IL13RA2: variants seen among roughly 807,000 people sequenced by gnomAD.
IL13RA2 encodes interleukin-13 receptor subunit alpha-2.
In IL13RA2, 25 loss-of-function variants were observed where a neutral mutation model predicts 34.1. The observed-to-expected ratio is 0.73, with a 90% CI of 0.53 to 1.03. The LOEUF is 1.03. Among genes scored for constraint, IL13RA2 ranks in the 50% least tolerant of loss-of-function variants. The pLI, the probability that IL13RA2 is intolerant of heterozygous loss-of-function variation, is 0.00. For missense variants in IL13RA2, 297 were observed against 280.9 expected (o/e 1.06, Z -0.41); for synonymous variants, 106 against 100.4 (o/e 1.06, Z -0.33).
chrX:115,017,097 AAGAC>A, intron 2 of IL13RA2, 75 bp downstream of exon 2: 1 of 578,384 alleles, frequency 1.7e-6, no homozygotes, highest in Non-Finnish European at 3.0e-6. Context: ...GCAGGTCAAA[AAGAC>A]AGTTAATTTT....
chrX:115,010,919 T>C (rs1762388668), intron 5 of IL13RA2, 91 bp from the exon 6 acceptor site: 1 of 417,928 alleles, frequency 2.4e-6, no homozygotes, highest in Non-Finnish European at 4.1e-6. Flanking sequence ...GGATACCATG[T>C]CAGTTTAAAA....
At chrX:115,006,725 G>A (rs991855187) in intron 8 of IL13RA2, among the ~76,000 whole-genome samples, 3 of 111,513 alleles carry the variant, frequency 2.7e-5, no homozygotes, top group Non-Finnish European at 5.6e-5. Context: ...GAAATCTTAG[G>A]CATCACTATC....
chrX:115,006,310 C>A (rs1556507575), intron 8 of IL13RA2, among the ~76,000 whole-genome samples: 1 of 111,730 alleles, frequency 9.0e-6, no homozygotes, highest in East Asian at 2.8e-4. Context: ...CTTGAAACAT[C>A]CAATAAGAAA....
rs782778490 is a variant in IL13RA2 at position 115,008,119 on chromosome X, T to C, written c.853-43A>G. 4 of 942,055 alleles carry C rather than the reference T, an allele frequency of 4.2e-6. No individual in the cohort carries two copies. In the East Asian group the frequency reaches 1.2e-4, roughly 29 times the overall value. The allele number at this position is 942,055 out of a possible 1,213,427, so 77.6% of individuals were successfully genotyped here. A position where few individuals can be genotyped will look rare whatever the true frequency, so the allele number is the denominator to read the frequency against. ...AATCAGATGCCATTATTTGATCTAGTTGCAACTAGACAGATTCCATATCTG... is the reference window on the plus strand; with the variant it reads ...AATCAGATGCCATTATTTGATCTAGCTGCAACTAGACAGATTCCATATCTG... On this transcript the variant is annotated intron_variant, in intron 7 of 9. Coordinates refer to ENST00000243213, the MANE Select transcript of IL13RA2 (RefSeq NM_000640.3).
chrX:115,012,854 G>A lies in IL13RA2; in HGVS notation c.521+915C>T, dbSNP rs782199707. ...GATCAGTTAAAGGTTAATGAAACTG[G>A]GGAGCAGATGAGCCTTGAAAAAGAT... On this transcript the variant is annotated intron_variant, in intron 5 of 9. Coordinates refer to ENST00000243213, the MANE Select transcript of IL13RA2 (RefSeq NM_000640.3). Among the ~76,000 whole-genome samples the A allele has an allele frequency of 1.1e-4, 12 of 111,643 alleles. No homozygotes were observed. In the East Asian group the frequency reaches 3.4e-3, roughly 31 times the overall value.
In IL13RA2 at chrX:115,015,813, G is replaced by C. The variant is rs781815956; in HGVS notation, c.103C>G (p.Pro35Ala). Residue 35 changes from proline to alanine, a missense_variant, in exon 3 of 10, where the codon CCT (proline) becomes GCT (alanine). By Grantham distance (27) the Pro-to-Ala change is conservative. Coordinates refer to ENST00000243213, the MANE Select transcript of IL13RA2 (RefSeq NM_000640.3). ...SSDTEIKVNPPQDFEIVDPGY... is the reference protein window; with the variant it reads ...SSDTEIKVNPAQDFEIVDPGY... ...GGATCCACTATCTCAAAATCCTGAG[G>C]AGGGTTAACTGAAATAAATCAATAA... 1 of 1,163,274 alleles carries C rather than the reference G, an allele frequency of 8.6e-7. No individual in the cohort carries two copies. Among genetic ancestry groups the C allele is most frequent in the Non-Finnish European group, 1.2e-6 (1 of 854,291 alleles).
At chrX:115,013,397 G>A (rs948379175) in intron 5 of IL13RA2, among the ~76,000 whole-genome samples, 6 of 111,316 alleles carry the variant, frequency 5.4e-5, no homozygotes, top group Non-Finnish European at 9.4e-5. Flanking sequence ...AAGCTTCAGT[G>A]ACAGTTAACA....
chrX:115,011,027 C>A (rs1280232206), intron 5 of IL13RA2, among the ~76,000 whole-genome samples, 199 bp from the exon 6 acceptor site: 2 of 111,117 alleles, frequency 1.8e-5, no homozygotes, highest in East Asian at 2.8e-4. Context: ...AGACATAGTC[C>A]CCGATTTCAT....
At chrX:115,016,589 T>C (rs1160056394) in intron 2 of IL13RA2, among the ~76,000 whole-genome samples, 2 of 106,771 alleles carry the variant, frequency 1.9e-5, no homozygotes, top group African/African-American at 6.7e-5. Context: ...TAATAACAAA[T>C]AATAACTAAC....
rs1219778172 is a variant in IL13RA2 at position 115,017,298 on chromosome X, C to A, written c.-29G>T. 4.8e-6 allele frequency: 3 copies of A among 630,554 alleles called. No individual in the cohort carries two copies. The Admixed American group carries it at 7.1e-5, about 15-fold the overall frequency. 52.0% of individuals were successfully genotyped at this position (630,554 alleles called of 1,213,427 possible). A position where few individuals can be genotyped will look rare whatever the true frequency, so the allele number is the denominator to read the frequency against. On this transcript the variant is annotated 5_prime_UTR_variant, in exon 2 of 10. Coordinates refer to ENST00000243213, the MANE Select transcript of IL13RA2 (RefSeq NM_000640.3). ...TCCGAGATTTAAAACCTTGATATTG[C>A]CTCTCTATGAAGGAAAAATATAACA... is the stretch of plus-strand genomic sequence containing the variant.
At position 115,014,561 on chromosome X, in the gene IL13RA2, T is replaced by C; in HGVS notation, c.260A>G (p.Lys87Arg). The C allele has an allele frequency of 8.5e-7, 1 of 1,177,820 alleles. No individual in the cohort carries two copies. Among genetic ancestry groups the C allele is most frequent in the Non-Finnish European group, 1.1e-6 (1 of 870,686 alleles). The stretch of plus-strand genomic sequence containing the variant: ...AAACCCATCTTTGTAATGTAGATTC[T>C]TAGTAATGATGGTCTGTTTGACAAA... ...GSETWKTIIT[K>R]NLHYKDGFDL... The change falls in exon 4 of 10, where the codon AAG becomes AGG. Residue 87 changes from lysine (K) to arginine (R), a missense_variant. Lys to Arg is a conservative substitution (Grantham distance 26). Transcript: ENST00000243213.
Position 115,015,752 on chromosome X carries a change from G to A in IL13RA2, c.164C>T (p.Pro55Leu), listed in dbSNP as rs370152207. Residue 55 changes from proline (P) to leucine (L), a missense_variant, in exon 3 of 10, where the codon CCC becomes CTC. By Grantham distance (98) the Pro-to-Leu change is moderately conservative (BLOSUM62 -3). Coordinates refer to ENST00000243213, the MANE Select transcript of IL13RA2 (RefSeq NM_000640.3). ...CTTAAAATGATCCAGAGACAGTGGG[G>A]GTTGCCATTGCAAATAGAGATAACC... ...YLGYLYLQWQ[P>L]PLSLDHFKEC... The A allele has an allele frequency of 1.7e-6, 2 of 1,183,223 alleles. No individual in the cohort carries two copies. Among genetic ancestry groups the A allele is most frequent in the African/African-American group, 3.5e-5 (2 of 56,655 alleles).
Position 115,009,526 on chromosome X carries a change from A to T in IL13RA2, c.847T>A (p.Leu283Met). Reference protein sequence around the residue: ...EIEIREDDTTLVTATVENETY... With the variant: ...EIEIREDDTTMVTATVENETY... Reference sequence around the variant, plus strand: ...AATAAATGCAATATTCATACCACCAAGGTAGTATCATCTTCTCTGATCTCA... The same window carrying T: ...AATAAATGCAATATTCATACCACCATGGTAGTATCATCTTCTCTGATCTCA... Residue 283 changes from leucine to methionine, a missense_variant, in exon 7 of 10, where the codon TTG becomes ATG. Transcript: ENST00000243213. 1 of 1,188,272 alleles carries T rather than the reference A, an allele frequency of 8.4e-7. No homozygotes were observed. Among genetic ancestry groups the T allele is most frequent in the Non-Finnish European group, 1.1e-6 (1 of 874,530 alleles).
chrX:115,013,729 A>G (rs1569507439), intron 5 of IL13RA2, 40 bp downstream of exon 5: 3 of 759,576 alleles, frequency 3.9e-6, no homozygotes, highest in South Asian at 4.6e-5. Flanking sequence ...ACTTGAGTAG[A>G]CATTTTTTAA....
intron 7 of IL13RA2, among the ~76,000 whole-genome samples, chrX:115,009,117 C>T (rs782190488): frequency 9.0e-6 from 1 of 111,131 alleles, no homozygotes; most frequent in African/African-American, 3.3e-5. Context: ...CCAGGCAGCC[C>T]TTCTTGCCTG....
At chrX:115,007,811 C>T in intron 8 of IL13RA2, 121 bp downstream of exon 8, 1 of 465,594 alleles carries the variant, frequency 2.1e-6, no homozygotes, top group Non-Finnish European at 3.5e-6. Context: ...CTAACTTATT[C>T]TCTCTGTTCA....
At chrX:115,014,655 C>G (rs1358984790) in intron 3 of IL13RA2, 81 bp from the exon 4 acceptor site, 2 of 637,705 alleles carry the variant, frequency 3.1e-6, no homozygotes, top group African/African-American at 4.4e-5. Flanking sequence ...ACTAATAAAT[C>G]ATTAATACCC....
At chrX:115,012,961 C>T (rs1012610337) in intron 5 of IL13RA2, among the ~76,000 whole-genome samples, 2 of 110,787 alleles carry the variant, frequency 1.8e-5, no homozygotes, top group East Asian at 2.8e-4. Context: ...GGCAATAACA[C>T]GGGTGAGAAA....
At position 115,017,276 on chromosome X, in the gene IL13RA2, G is replaced by T. The variant is rs782747352; in HGVS notation, c.-7C>A. On this transcript the variant is annotated 5_prime_UTR_variant, in exon 2 of 10. Coordinates refer to ENST00000243213, the MANE Select transcript of IL13RA2 (RefSeq NM_000640.3). ...CCAAGCAAACGAAAGCCATTTCTCCGAGATTTAAAACCTTGATATTGCCTC... is the reference window on the plus strand; with the variant it reads ...CCAAGCAAACGAAAGCCATTTCTCCTAGATTTAAAACCTTGATATTGCCTC... 1 of 797,756 alleles carries T rather than the reference G, an allele frequency of 1.3e-6. No homozygotes were observed. Among genetic ancestry groups the T allele is most frequent in the Non-Finnish European group, 1.9e-6 (1 of 521,757 alleles). 65.7% of individuals were successfully genotyped at this position (797,756 alleles called of 1,213,427 possible). A position where few individuals can be genotyped will look rare whatever the true frequency, so the allele number is the denominator to read the frequency against.
Sources: gnomAD v4.1 joint callset for allele counts (sites outside exome capture counted in the v4.1 genomes callset) on GRCh38, gnomAD v4.1.1 for gene constraint, MANE v1.5 for transcripts, NCBI Gene and HGNC (gene_info 2026-07-23, HGNC 2026-07-21) for gene names.